The following LINC00632 variants were observed in gnomAD, a reference collection of about 807,000 sequenced individuals.
LINC00632 encodes the protein long independently transcribed non-coding RNA 632, also known as ALDOA related specific transcript.
intron 1 of LINC00632, among the ~76,000 whole-genome samples, chrX:140,710,600 A>G (rs1490934621): frequency 9.1e-6 from 1 of 110,200 alleles, no homozygotes; most frequent in Non-Finnish European, 1.9e-5. Context: ...TTTCTGAAAC[A>G]TTCCTGAAAA....
chrX:140,723,664 T>TACACACACAC (rs1461168228), intron 2 of LINC00632, among the ~76,000 whole-genome samples: 5 of 845 alleles, frequency 5.9e-3, no homozygotes, highest in South Asian at 0.056. Flanking sequence ...ACACATTCCA[T>TACACACACAC]ATACACACAT....
chrX:140,722,932 C>T (rs1434107514), intron 2 of LINC00632, among the ~76,000 whole-genome samples: 1 of 107,729 alleles, frequency 9.3e-6, no homozygotes, highest in Non-Finnish European at 1.9e-5. Flanking sequence ...GCCTGTAATC[C>T]CAGCTACTCG....
At chrX:140,730,675 A>G (rs1382963105) in intron 2 of LINC00632, among the ~76,000 whole-genome samples, 3 of 111,514 alleles carry the variant, frequency 2.7e-5, no homozygotes, top group African/African-American at 9.8e-5. Context: ...TTTCACAGCT[A>G]GCTCCCATAA....
chrX:140,747,775 T>G lies in LINC00632; in HGVS notation n.191+13811T>G, dbSNP rs777073844. Among the ~76,000 whole-genome samples the G allele has an allele frequency of 7.2e-5, 8 of 111,565 alleles. No homozygotes were observed. The East Asian group carries it at 2.0e-3, about 28-fold the overall frequency. On this transcript the variant is annotated intron_variant and non_coding_transcript_variant, in intron 3 of 4. Coordinates refer to ENST00000648200, the Ensembl canonical transcript of LINC00632. ...TTCCTCTGGCTGTGCCTTTGGTGCC[T>G]TGACCTATTTGGCCACATCCCATCC...
intron 3 of LINC00632, among the ~76,000 whole-genome samples, chrX:140,771,608 TATATAC>T (rs1484899858): frequency 1.4e-4 from 6 of 43,975 alleles, no homozygotes; most frequent in Admixed American, 6.9e-4. Flanking sequence ...CAATTTGGCA[TATATAC>T]ACACACACAC....
At position 140,783,788 on chromosome X, in the gene LINC00632, CGTCTTCCAGAAAATCCAT is replaced by C. The variant is rs747072025; in HGVS notation, n.11835_11852del. On this transcript the variant is annotated non_coding_transcript_exon_variant, in exon 5 of 5. Coordinates refer to ENST00000648200, the Ensembl canonical transcript of LINC00632. ...CAATATATGTCTTCCTGAAGATCCA[CGTCTTCCAGAAAATCCAT>C]GTCTTCCAGAAAATCCATGTCTTCC... is the stretch of plus-strand genomic sequence containing the variant. The C allele has an allele frequency of 6.8e-4, 822 of 1,208,097 alleles. 1 individual carries two copies. Among genetic ancestry groups the C allele is most frequent in the South Asian group, 2.7e-3 (153 of 56,347 alleles).
chrX:140,772,196 A>G (rs1931810305), exon 4 of LINC00632: 1 of 296,486 alleles, frequency 3.4e-6, no homozygotes, highest in Non-Finnish European at 5.9e-6. Context: ...CGCGCCTTTG[A>G]GAGCTTTGGA....
intron 3 of LINC00632, among the ~76,000 whole-genome samples, chrX:140,758,796 G>A (rs1931536911): frequency 9.0e-6 from 1 of 111,552 alleles, no homozygotes; most frequent in Admixed American, 9.6e-5. Context: ...TACCTCTAAT[G>A]GTGCTACTGA....
chrX:140,730,115 T>TC (rs1471928277), intron 2 of LINC00632, among the ~76,000 whole-genome samples: 1 of 110,105 alleles, frequency 9.1e-6, no homozygotes, highest in Non-Finnish European at 1.9e-5. Context: ...GACCTAGTGA[T>TC]CCCCCCGCCT....
At position 140,717,021 on chromosome X, in the gene LINC00632, G is replaced by A. The variant is rs552476556; in HGVS notation, n.104+5365G>A. Among the ~76,000 whole-genome samples, 3 of 109,683 alleles carry A rather than the reference G, an allele frequency of 2.7e-5. No homozygotes were observed. The South Asian group carries it at 1.2e-3, about 44-fold the overall frequency. ...TTTTTTTGAGACGGTGTCTCACTCT[G>A]TTGCCCAGGCTGGAGTGCAGTGGCG... On this transcript the variant is annotated intron_variant and non_coding_transcript_variant, in intron 2 of 4. Coordinates refer to ENST00000648200, the Ensembl canonical transcript of LINC00632.
chrX:140,743,408 G>A (rs1296964133), intron 3 of LINC00632, among the ~76,000 whole-genome samples: 1 of 109,744 alleles, frequency 9.1e-6, no homozygotes, highest in Non-Finnish European at 1.9e-5. Flanking sequence ...GATGATAGCC[G>A]CAAGCTTATC....
At chrX:140,783,652 A>C (rs200407972) in exon 5 of LINC00632, 1 of 1,209,798 alleles carries the variant, frequency 8.3e-7, no homozygotes, top group Non-Finnish European at 1.1e-6. Context: ...TTCCAGAAAG[A>C]AATCCAGGTC....
chrX:140,713,214 C>A (rs1180334081), intron 2 of LINC00632, among the ~76,000 whole-genome samples: 1 of 109,705 alleles, frequency 9.1e-6, no homozygotes, highest in African/African-American at 3.3e-5. Context: ...AGGCTTTTAG[C>A]CACTCCTTTT....
chrX:140,761,636 T>C (rs1931595331), intron 3 of LINC00632, among the ~76,000 whole-genome samples: 1 of 112,991 alleles, frequency 8.9e-6, no homozygotes, highest in Non-Finnish European at 1.9e-5. Context: ...GCCAGGAGTC[T>C]CACAGCCCTC....
exon 5 of LINC00632, among the ~76,000 whole-genome samples, chrX:140,775,379 A>T (rs754368319): frequency 1.8e-5 from 2 of 112,325 alleles, no homozygotes; most frequent in Admixed American, 1.9e-4. Flanking sequence ...GAGGAAAAAA[A>T]ACCACAAAGC....
intron 2 of LINC00632, among the ~76,000 whole-genome samples, chrX:140,718,150 G>A (rs974610502): frequency 1.8e-5 from 2 of 110,527 alleles, no homozygotes; most frequent in African/African-American, 6.6e-5. Flanking sequence ...GAAAAAAAAA[G>A]AGGAATAAAT....
chrX:140,771,080 A>G (rs1482219774), intron 3 of LINC00632, among the ~76,000 whole-genome samples: 1 of 111,234 alleles, frequency 9.0e-6, no homozygotes, highest in Admixed American at 9.6e-5. Flanking sequence ...GGATAGTCAG[A>G]TGTTTATTCC....
chrX:140,789,372 GGTT>G (rs1254628405), exon 5 of LINC00632, among the ~76,000 whole-genome samples: 5 of 110,647 alleles, frequency 4.5e-5, no homozygotes, highest in Non-Finnish European at 7.6e-5. Flanking sequence ...TAGATCTTTA[GGTT>G]GTTAACAGTT....
At chrX:140,736,038 ATAT>A (rs910194479) in intron 3 of LINC00632, among the ~76,000 whole-genome samples, 1 of 111,940 alleles carries the variant, frequency 8.9e-6, no homozygotes, top group Admixed American at 9.6e-5. Flanking sequence ...CAAGGAAAAA[ATAT>A]TAATATACGT....
Sources: allele counts gnomAD v4.1 joint callset (sites outside exome capture counted in the v4.1 genomes callset), GRCh38; gene constraint gnomAD v4.1.1; transcripts MANE v1.5; gene names NCBI Gene and HGNC (gene_info 2026-07-23, HGNC 2026-07-21).